SMARCD2: variants seen among roughly 807,000 people sequenced by gnomAD.
SMARCD2 encodes SWI/SNF related BAF chromatin remodeling complex subunit D2.
A neutral mutation model predicts 70.4 loss-of-function variants in SMARCD2; 39 were observed. The ratio of observed to expected loss-of-function variants is 0.55; its 90% CI spans 0.43 to 0.72. The LOEUF (loss-of-function observed/expected upper bound fraction) is 0.72, where lower values mean the gene tolerates loss of function less well. Ranked by LOEUF, SMARCD2 falls within the 30% of genes least tolerant of loss-of-function variation. SMARCD2 has a pLI of 0.00. For missense variants in SMARCD2, 540 were observed against 713.4 expected (o/e 0.76, Z 2.77); for synonymous variants, 249 against 279.4 (o/e 0.89, Z 1.08).
In SMARCD2 at chr17:63,832,749, C is replaced by CA; in HGVS notation, c.*188dup. 1.6e-6 allele frequency: 1 copy of CA among 621,498 alleles called. No homozygotes were observed. Among genetic ancestry groups the CA allele is most frequent in the Non-Finnish European group, 2.9e-6 (1 of 350,348 alleles). The allele number at this position is 621,498 out of a possible 1,614,324, so 38.5% of individuals were successfully genotyped here. A position where few individuals can be genotyped will look rare whatever the true frequency, so the allele number is the denominator to read the frequency against. ...CTGCTGAACCCAATTAAAGCCAATGCAAAAAGTATAAGGCTTTGGGGACCA... is the reference window on the plus strand; with the variant it reads ...CTGCTGAACCCAATTAAAGCCAATGCAAAAAAGTATAAGGCTTTGGGGACCA... On this transcript the variant is annotated 3_prime_UTR_variant, in exon 13 of 13. Coordinates refer to ENST00000448276, the MANE Select transcript of SMARCD2 (RefSeq NM_001098426.2).
intron 1 of SMARCD2, among the ~76,000 whole-genome samples, chr17:63,839,642 C>T (rs1380655793): frequency 2.0e-5 from 3 of 151,638 alleles, no homozygotes; most frequent in Non-Finnish European, 4.4e-5. Flanking sequence ...AGCAGTCCAG[C>T]ACTCTGAGCC....
intron 1 of SMARCD2, chr17:63,839,001 G>T: frequency 1.0e-6 from 1 of 985,402 alleles, no homozygotes; most frequent in Non-Finnish European, 1.2e-6. Context: ...GGGTGGGACG[G>T]AAGTGTTTGG....
chr17:63,840,482 T>G (rs1904417819), intron 1 of SMARCD2, among the ~76,000 whole-genome samples: 1 of 151,844 alleles, frequency 6.6e-6, no homozygotes, highest in Non-Finnish European at 1.5e-5. Context: ...GCCCTGGAGG[T>G]TTTTTTCTTT....
rs2040244161 is a variant in SMARCD2 at position 63,834,800 on chromosome 17, G to T, written c.724C>A (p.Pro242Thr). ...GAAAACTTCCTCTTCTGTTTGCTAG[G>T]CTGGGGATGGAAAGGGGTGTGAGAT... ...LRVEGKLLDDPSKQKRKFSSF... is the reference protein window; with the variant it reads ...LRVEGKLLDDTSKQKRKFSSF... The change falls in exon 6 of 13, where the codon CCT becomes ACT. Residue 242 changes from proline (P) to threonine (T), a missense_variant and splice_region_variant. By Grantham distance (38) the Pro-to-Thr change is conservative (BLOSUM62 -1). Coordinates refer to ENST00000448276, the MANE Select transcript of SMARCD2 (RefSeq NM_001098426.2). This position sits in a 1 kb window ranked among gnomAD's most constrained non-coding sequence, Gnocchi z 5.6. 1.2e-6 allele frequency: 2 copies of T among 1,606,912 alleles called. No individual in the cohort carries two copies. The highest frequency in any genetic ancestry group is 1.7e-4 in the Middle Eastern group (1 of 6,050).
At chr17:63,842,178 T>G (rs966451694) in intron 1 of SMARCD2, among the ~76,000 whole-genome samples, 2 of 152,094 alleles carry the variant, frequency 1.3e-5, no homozygotes, top group African/African-American at 4.8e-5. Flanking sequence ...CACAATTCAC[T>G]GGCTCCCCAA....
chr17:63,833,938 T>C lies in SMARCD2; in HGVS notation c.1152A>G (p.Pro384=). ...PMKLAGLLQH[P]DPIVINHVIS... Reference sequence around the variant, plus strand: ...TGACATGGTTGATGACAATGGGGTCTGGATGCTGCAGCAACCCTGCCAGCT... The same window carrying C: ...TGACATGGTTGATGACAATGGGGTCCGGATGCTGCAGCAACCCTGCCAGCT... Residue 384 remains proline, a synonymous_variant, in exon 9 of 13, where the codon CCA becomes CCG. Transcript: ENST00000448276. The surrounding 1 kb of genome is among the most constrained non-coding windows in gnomAD (Gnocchi z 4.3). The C allele has an allele frequency of 6.2e-7, 1 of 1,613,610 alleles. No homozygotes were observed. The highest frequency in any genetic ancestry group is 8.5e-7 in the Non-Finnish European group (1 of 1,179,482).
chr17:63,837,632 G>A lies in SMARCD2; in HGVS notation c.217-7C>T. 6.2e-7 allele frequency: 1 copy of A among 1,611,708 alleles called. No homozygotes were observed. The highest frequency in any genetic ancestry group is 8.5e-7 in the Non-Finnish European group (1 of 1,179,004). ...CTGGTGACATGCCAGGTCGCTGGGG[G>A]AAGTGAGCCAACGGGGGTGCATAGG... On this transcript the variant is annotated splice_polypyrimidine_tract_variant and splice_region_variant and intron_variant, in intron 1 of 12. Coordinates refer to ENST00000448276, the MANE Select transcript of SMARCD2 (RefSeq NM_001098426.2). The surrounding 1 kb of genome is among the most constrained non-coding windows in gnomAD (Gnocchi z 6.4).
At chr17:63,838,483 T>G (rs549570903) in intron 1 of SMARCD2, 2 of 881,756 alleles carry the variant, frequency 2.3e-6, no homozygotes, top group Admixed American at 7.7e-5. Flanking sequence ...CGTGTAGCCC[T>G]GGCAATCCCA....
chr17:63,838,338 A>G (rs1273929696), intron 1 of SMARCD2, among the ~76,000 whole-genome samples: 1 of 151,902 alleles, frequency 6.6e-6, no homozygotes, highest in African/African-American at 2.4e-5. Context: ...CTACTGCCCA[A>G]CTACTACCCC....
intron 1 of SMARCD2, 85 bp downstream of exon 1, chr17:63,842,374 C>A: frequency 2.4e-6 from 3 of 1,238,694 alleles, no homozygotes; most frequent in South Asian, 2.1e-5. Context: ...TTCCCCAGGG[C>A]CCTCACTCGA....
Position 63,834,756 on chromosome 17 carries a change from G to C in SMARCD2, c.768C>G (p.Leu256=). The C allele has an allele frequency of 6.2e-7, 1 of 1,613,890 alleles. No individual in the cohort carries two copies. The highest frequency in any genetic ancestry group is 1.3e-5 in the African/African-American group (1 of 75,044). ...ACAGCTCCTTGTCCAGCTCAATGAC[G>C]AGGCTCTTAAAGAATGAAGAAAACT... ...KRKFSSFFKS[L]VIELDKELYG... is the part of the protein sequence containing the mutation. The change falls in exon 6 of 13, where the codon CTC becomes CTG. Residue 256 remains leucine, a synonymous_variant. Transcript: ENST00000448276. This position sits in a 1 kb window ranked among gnomAD's most constrained non-coding sequence, Gnocchi z 5.6.
intron 1 of SMARCD2, among the ~76,000 whole-genome samples, chr17:63,840,348 T>C (rs1420965604): frequency 1.3e-5 from 2 of 151,610 alleles, no homozygotes; most frequent in Non-Finnish European, 2.9e-5. Flanking sequence ...TTTTTTTTTT[T>C]TTTTTTAAGA....
chr17:63,837,256 C>T lies in SMARCD2; in HGVS notation c.402-19G>A. 6.2e-7 allele frequency: 1 copy of T among 1,613,076 alleles called. No individual in the cohort carries two copies. The highest frequency in any genetic ancestry group is 1.1e-5 in the South Asian group (1 of 91,066). ...CTTTAACCTGGGGAGGACAGAAACC[C>T]ACTTAAGAGGTCAATGGTCCAAAAA... On this transcript the variant is annotated intron_variant, in intron 2 of 12. Transcript: ENST00000448276. This position sits in a 1 kb window ranked among gnomAD's most constrained non-coding sequence, Gnocchi z 6.4.
At position 63,837,204 on chromosome 17, in the gene SMARCD2, T is replaced by C. The variant is rs1434095323; in HGVS notation, c.435A>G (p.Leu145=). The change falls in exon 3 of 13, where the codon CTA becomes CTG. Residue 145 remains leucine, a synonymous_variant. Transcript: ENST00000448276. This position sits in a 1 kb window ranked among gnomAD's most constrained non-coding sequence, Gnocchi z 6.4. ...LKRRKMADKV[L]PQRIRELVPE... Reference sequence around the variant, plus strand: ...TCCTCTTAACACTTACTCGCTGAGGTAGAACCTTATCTGCCATCTTCCTCC... The same window carrying C: ...TCCTCTTAACACTTACTCGCTGAGGCAGAACCTTATCTGCCATCTTCCTCC... The C allele has an allele frequency of 6.2e-6, 10 of 1,613,588 alleles. No individual in the cohort carries two copies. The highest frequency in any genetic ancestry group is 1.1e-5 in the South Asian group (1 of 91,070).
At chr17:63,841,093 T>C (rs1904442472) in intron 1 of SMARCD2, among the ~76,000 whole-genome samples, 1 of 152,232 alleles carries the variant, frequency 6.6e-6, no homozygotes, top group African/African-American at 2.4e-5. Context: ...CAATGAATGA[T>C]GCAGGGAGCC....
intron 1 of SMARCD2, among the ~76,000 whole-genome samples, chr17:63,840,407 C>G (rs949826150): frequency 2.6e-5 from 4 of 151,598 alleles, no homozygotes; most frequent in Non-Finnish European, 4.4e-5. Flanking sequence ...CTCCTGGTCT[C>G]AAGTAATCCT....
intron 1 of SMARCD2, chr17:63,838,590 C>A: frequency 6.8e-7 from 1 of 1,463,206 alleles, no homozygotes; most frequent in Middle Eastern, 1.8e-4. Context: ...TCTTTAGATG[C>A]CTGCAGAAGG....
chr17:63,839,032 GGGGGGC>G, intron 1 of SMARCD2: 1 of 985,212 alleles, frequency 1.0e-6, no homozygotes, highest in Non-Finnish European at 1.2e-6. Context: ...AGTTCAAAGT[GGGGGGC>G]TCTGGGGCTT....
rs1481727826 is a variant in SMARCD2 at position 63,834,302 on chromosome 17, T to A, written c.948A>T (p.Arg316=). Residue 316 remains arginine, a synonymous_variant, in exon 8 of 13, where the codon CGA becomes CGT. Transcript: ENST00000448276. This position sits in a 1 kb window ranked among gnomAD's most constrained non-coding sequence, Gnocchi z 5.6. The part of the protein sequence containing the change: ...HQPPQYKLDP[R]LARLLGVHTQ... Reference sequence around the variant, plus strand: ...TGTGCACTCCCAGCAGCCTTGCCAATCGGGGGTCCAATTTGTACTGGGGAG... The same window carrying A: ...TGTGCACTCCCAGCAGCCTTGCCAAACGGGGGTCCAATTTGTACTGGGGAG... 3.1e-6 allele frequency: 5 copies of A among 1,612,352 alleles called. No individual in the cohort carries two copies. The highest frequency in any genetic ancestry group is 3.3e-5 in the Admixed American group (2 of 59,768).
Sources: allele counts gnomAD v4.1 joint callset (sites outside exome capture counted in the v4.1 genomes callset), GRCh38; gene constraint gnomAD v4.1.1; non-coding constraint Gnocchi (gnomAD v3.1); transcripts MANE v1.5; gene names NCBI Gene and HGNC (gene_info 2026-07-23, HGNC 2026-07-21).